Variants in THSD7B observed in about 807,000 individuals in gnomAD.
THSD7B encodes the protein thrombospondin type 1 domain containing 7B, also known as thrombospondin type-1 domain-containing protein 7B.
Under a neutral mutation model 213.6 loss-of-function variants are expected in THSD7B, and 138 were observed. The observed-to-expected ratio is 0.65, with a 90% CI of 0.56 to 0.74. The LOEUF (loss-of-function observed/expected upper bound fraction) is 0.74, where lower values mean the gene tolerates loss of function less well. THSD7B is among the 30% of genes least tolerant of loss of function. The probability of loss-of-function intolerance (pLI) is 0.00; values close to 1 mark genes in which losing one functional copy is unlikely to be tolerated. For missense variants in THSD7B, 1,931 were observed against 1,991.5 expected (o/e 0.97, Z 0.58); for synonymous variants, 742 against 687.0 (o/e 1.08, Z -1.25).
At chr2:137,441,429 A>G (rs927926786) in intron 14 of THSD7B, among the ~76,000 whole-genome samples, 1 of 152,092 alleles carries the variant, frequency 6.6e-6, no homozygotes, top group Non-Finnish European at 1.5e-5. Flanking sequence ...TGTCTTCTTA[A>G]TTTAATTTGT....
At chr2:137,106,664 A>G (rs1298611958) in intron 4 of THSD7B, among the ~76,000 whole-genome samples, 1 of 152,164 alleles carries the variant, frequency 6.6e-6, no homozygotes, top group African/African-American at 2.4e-5. Flanking sequence ...GGACTAATAT[A>G]TAGAATCTAC....
intron 14 of THSD7B, among the ~76,000 whole-genome samples, chr2:137,420,829 GT>G (rs1205534875): frequency 6.6e-6 from 1 of 152,196 alleles, no homozygotes; most frequent in African/African-American, 2.4e-5. Context: ...TAAGTAAGAA[GT>G]TCAAAATCTG....
At position 137,021,142 on chromosome 2, in the gene THSD7B, T is replaced by G. The variant is rs60585602; in HGVS notation, c.140-35278T>G. Among the ~76,000 whole-genome samples the G allele has an allele frequency of 0.011, 1,694 of 152,214 alleles. 73 individuals are homozygous for G. In the East Asian group the frequency reaches 0.15, roughly 13 times the overall value. ...TCTGGGAGTAGTTTTGTGTGAAAAA[T>G]TTCCTGTCTAATGGCTCAAATTTGG... On this transcript the variant is annotated intron_variant, in intron 2 of 27. Coordinates refer to ENST00000409968, the MANE Select transcript of THSD7B (RefSeq NM_001316349.2).
intron 2 of THSD7B, among the ~76,000 whole-genome samples, chr2:136,943,351 T>C (rs967937131): frequency 1.3e-5 from 2 of 152,196 alleles, no homozygotes; most frequent in Non-Finnish European, 2.9e-5. Context: ...CTTTTTTTGT[T>C]GTGTCTCTGC....
At position 137,144,002 on chromosome 2, in the gene THSD7B, G is replaced by C. The variant is rs919665211; in HGVS notation, c.1370-16211G>C. Among the ~76,000 whole-genome samples the C allele has an allele frequency of 2.0e-5, 3 of 151,914 alleles. 1 individual carries two copies. The highest frequency in any genetic ancestry group is 7.3e-5 in the African/African-American group (3 of 41,368). Reference sequence around the variant, plus strand: ...CTATAGGAGTGCCTTCTAATTTCAAGATGAAACACTTAAACCAACTTGACT... The same window carrying C: ...CTATAGGAGTGCCTTCTAATTTCAACATGAAACACTTAAACCAACTTGACT... On this transcript the variant is annotated intron_variant, in intron 5 of 27. Transcript: ENST00000409968.
At chr2:137,073,123 T>A (rs1421060082) in intron 3 of THSD7B, among the ~76,000 whole-genome samples, 4 of 152,190 alleles carry the variant, frequency 2.6e-5, no homozygotes, top group Non-Finnish European at 5.9e-5. Context: ...CCTCATAAAA[T>A]GAGTTAGGGA....
chr2:136,988,687 T>C (rs1685711139), intron 2 of THSD7B, among the ~76,000 whole-genome samples: 4 of 152,228 alleles, frequency 2.6e-5, no homozygotes, highest in African/African-American at 4.8e-5. Context: ...TTTGGGCATG[T>C]AAATTTTTCC....
At chr2:137,229,855 A>T (rs146190685) in intron 7 of THSD7B, among the ~76,000 whole-genome samples, 1 of 152,318 alleles carries the variant, frequency 6.6e-6, no homozygotes, top group East Asian at 1.9e-4. Flanking sequence ...TGAATGATAT[A>T]TGCAAAACAC....
At chr2:137,425,093 A>AATG (rs1213681850) in intron 14 of THSD7B, among the ~76,000 whole-genome samples, 1 of 103,704 alleles carries the variant, frequency 9.6e-6, no homozygotes, top group Non-Finnish European at 2.1e-5. Context: ...TAATAATAAT[A>AATG]ATAATGATAA....
chr2:136,877,004 G>A (rs569265524), intron 1 of THSD7B, among the ~76,000 whole-genome samples: 26 of 152,262 alleles, frequency 1.7e-4, no homozygotes, highest in East Asian at 3.9e-4. Flanking sequence ...GGAAGGGAGC[G>A]TGCAGAGTAT....
At chr2:137,610,295 A>C (rs531173975) in intron 17 of THSD7B, among the ~76,000 whole-genome samples, 2 of 152,236 alleles carry the variant, frequency 1.3e-5, no homozygotes, top group East Asian at 3.9e-4. Flanking sequence ...ACAAGTTGCC[A>C]GGTGATGTTG....
At chr2:136,924,561 C>T (rs1214168915) in intron 2 of THSD7B, among the ~76,000 whole-genome samples, 1 of 151,964 alleles carries the variant, frequency 6.6e-6, no homozygotes, top group African/African-American at 2.4e-5. Context: ...TATGCTAATG[C>T]TATGCTATTT....
chr2:136,794,317 A>G (rs1682022681), intron 1 of THSD7B, among the ~76,000 whole-genome samples: 1 of 151,256 alleles, frequency 6.6e-6, no homozygotes, highest in Non-Finnish European at 1.5e-5. Context: ...TTTTACCTTT[A>G]TACTTTTCTA....
intron 12 of THSD7B, among the ~76,000 whole-genome samples, chr2:137,302,806 G>A (rs891574061): frequency 3.9e-5 from 6 of 152,048 alleles, no homozygotes; most frequent in African/African-American, 1.4e-4. Flanking sequence ...TTTATTTTTA[G>A]AAAACTTTTC....
At chr2:137,275,223 A>G (rs967902106) in intron 11 of THSD7B, among the ~76,000 whole-genome samples, 1 of 152,098 alleles carries the variant, frequency 6.6e-6, no homozygotes, top group Non-Finnish European at 1.5e-5. Flanking sequence ...GAGGACTAGA[A>G]ATCATGGTAT....
At chr2:137,517,048 A>G (rs1680083837) in intron 15 of THSD7B, among the ~76,000 whole-genome samples, 1 of 152,174 alleles carries the variant, frequency 6.6e-6, no homozygotes, top group Admixed American at 6.5e-5. Flanking sequence ...TTGTGGTTTA[A>G]TTGCTTGAGC....
At chr2:136,903,302 A>G (rs1025952474) in intron 2 of THSD7B, among the ~76,000 whole-genome samples, 1 of 152,190 alleles carries the variant, frequency 6.6e-6, no homozygotes, top group Non-Finnish European at 1.5e-5. Flanking sequence ...TAGCTGAGGA[A>G]AAGGAGTAAG....
At chr2:137,282,075 G>C (rs1320038543) in intron 12 of THSD7B, among the ~76,000 whole-genome samples, 1 of 151,992 alleles carries the variant, frequency 6.6e-6, no homozygotes, top group Admixed American at 6.6e-5. Context: ...GTTGTTTCCT[G>C]ACTTTTTAAT....
intron 2 of THSD7B, among the ~76,000 whole-genome samples, chr2:137,037,211 T>A (rs1235148047): frequency 6.6e-6 from 1 of 152,188 alleles, no homozygotes; most frequent in Non-Finnish European, 1.5e-5. Flanking sequence ...ATCTACATTT[T>A]CTACATAGCA....
Sources: gnomAD v4.1 joint callset for allele counts (sites outside exome capture counted in the v4.1 genomes callset) on GRCh38, gnomAD v4.1.1 for gene constraint, MANE v1.5 for transcripts, NCBI Gene and HGNC (gene_info 2026-07-23, HGNC 2026-07-21) for gene names.